NALF1: variants seen among roughly 807,000 people sequenced by gnomAD.
The protein encoded by NALF1 is family with sequence similarity 155 member A.
In NALF1, 3 loss-of-function variants were observed where a neutral mutation model predicts 48.4. The ratio of observed to expected loss-of-function variants is 0.06; its 90% CI spans 0.03 to 0.16. The LOEUF (loss-of-function observed/expected upper bound fraction) is 0.16. Among genes scored for constraint, NALF1 ranks in the 10% least tolerant of loss-of-function variants. The pLI is 1.00. For synonymous variants in NALF1, 262 were observed against 245.7 expected, an observed-to-expected ratio of 1.07 and a Z score of -0.62; for missense variants, 526 against 571.5, an observed-to-expected ratio of 0.92 and a Z score of 0.81.
intron 1 of NALF1, among the ~76,000 whole-genome samples, chr13:107,295,376 T>C (rs1881706255): frequency 6.6e-6 from 1 of 152,258 alleles, no homozygotes; most frequent in African/African-American, 2.4e-5. Flanking sequence ...ACATTTGCTT[T>C]ATCTAATCCA....
intron 1 of NALF1, among the ~76,000 whole-genome samples, chr13:107,691,248 A>C (rs1023693723): frequency 1.3e-5 from 2 of 152,186 alleles, no homozygotes; most frequent in African/African-American, 4.8e-5. Flanking sequence ...AGCAGCACAG[A>C]TTCTCCTCAC....
intron 1 of NALF1, among the ~76,000 whole-genome samples, chr13:107,716,170 C>T (rs1384383477): frequency 2.0e-5 from 3 of 152,240 alleles, no homozygotes; most frequent in South Asian, 2.1e-4. Flanking sequence ...TTCTCAAAGG[C>T]GTCAGACTCA....
intron 1 of NALF1, among the ~76,000 whole-genome samples, chr13:107,245,600 T>C (rs2138839147): frequency 6.6e-6 from 1 of 152,326 alleles, no homozygotes; most frequent in South Asian, 2.1e-4. Flanking sequence ...GCTGTTTTTC[T>C]CCTTTGTATA....
rs1021793980 is a variant in NALF1 at position 107,653,320 on chromosome 13, C to T, written c.915+212362G>A. 1.7e-4 allele frequency among the ~76,000 whole-genome samples: 25 copies of T among 149,622 alleles called. 1 individual carries two copies. The highest frequency in any genetic ancestry group is 1.1e-3 in the Admixed American group (16 of 15,056). On this transcript the variant is annotated intron_variant, in intron 1 of 2. Coordinates refer to ENST00000375915, the MANE Select transcript of NALF1 (RefSeq NM_001080396.3). The stretch of plus-strand genomic sequence containing the variant: ...GGGGGAGAAGGAAATTGGGAGTTAC[C>T]CTACAGGGACCAAATTCACTGAAAG...
chr13:107,534,209 C>G (rs1304665783), intron 1 of NALF1, among the ~76,000 whole-genome samples: 2 of 152,038 alleles, frequency 1.3e-5, no homozygotes, highest in Non-Finnish European at 2.9e-5. Context: ...TTTTCACAAG[C>G]CCTTCAGATG....
chr13:107,763,206 TC>T (rs1877315920), intron 1 of NALF1, among the ~76,000 whole-genome samples: 1 of 151,466 alleles, frequency 6.6e-6, no homozygotes, highest in African/African-American at 2.4e-5. Flanking sequence ...AAAATCAATA[TC>T]CCCGCAAGTA....
chr13:107,604,211 T>C (rs1879006093), intron 1 of NALF1, among the ~76,000 whole-genome samples: 1 of 152,218 alleles, frequency 6.6e-6, no homozygotes, highest in Non-Finnish European at 1.5e-5. Context: ...TTGCCAATAA[T>C]CGTTTCCCAA....
intron 1 of NALF1, among the ~76,000 whole-genome samples, chr13:107,325,127 A>T (rs1184808277): frequency 6.6e-6 from 1 of 152,168 alleles, no homozygotes; most frequent in East Asian, 1.9e-4. Context: ...CATATGATTT[A>T]TTTTTCACGT....
intron 1 of NALF1, among the ~76,000 whole-genome samples, chr13:107,846,934 C>A (rs936704647): frequency 3.3e-5 from 5 of 152,138 alleles, no homozygotes; most frequent in African/African-American, 1.2e-4. Context: ...TTAGAAACTA[C>A]AGGTTCCAAA....
At chr13:107,423,864 CT>C (rs1048253218) in intron 1 of NALF1, among the ~76,000 whole-genome samples, 1 of 152,080 alleles carries the variant, frequency 6.6e-6, no homozygotes, top group African/African-American at 2.4e-5. Context: ...CTTCCAAAAG[CT>C]TTAGAATAAT....
At chr13:107,517,504 T>C (rs1001250053) in intron 1 of NALF1, among the ~76,000 whole-genome samples, 3 of 151,972 alleles carry the variant, frequency 2.0e-5, no homozygotes, top group African/African-American at 7.3e-5. Context: ...TGGTGGTGGA[T>C]GCCTGTAGTC....
intron 1 of NALF1, among the ~76,000 whole-genome samples, chr13:107,293,054 C>A (rs1250867422): frequency 6.9e-6 from 1 of 144,408 alleles, no homozygotes; most frequent in African/African-American, 2.6e-5. Flanking sequence ...GATCTCAGCT[C>A]ACTGCAAGCT....
intron 1 of NALF1, among the ~76,000 whole-genome samples, chr13:107,820,871 C>T (rs1879341904): frequency 6.6e-6 from 1 of 152,146 alleles, no homozygotes; most frequent in Non-Finnish European, 1.5e-5. Context: ...CAGCAAAATG[C>T]CCCTGCCATG....
chr13:107,526,781 C>T (rs1439743939), intron 1 of NALF1, among the ~76,000 whole-genome samples: 1 of 152,116 alleles, frequency 6.6e-6, no homozygotes, highest in Middle Eastern at 3.2e-3. Context: ...TACTCAAAAT[C>T]AGTGAAAATC....
intron 1 of NALF1, among the ~76,000 whole-genome samples, chr13:107,756,337 A>G (rs1360746957): frequency 1.3e-5 from 2 of 151,734 alleles, no homozygotes; most frequent in African/African-American, 2.4e-5. Context: ...GGTGATGCCA[A>G]TGTGGCTGAT....
intron 2 of NALF1, among the ~76,000 whole-genome samples, chr13:107,198,255 G>A (rs910885157): frequency 6.6e-6 from 1 of 152,106 alleles, no homozygotes; most frequent in Non-Finnish European, 1.5e-5. Context: ...TCAGATTTAG[G>A]TCTAAAGTCT....
At chr13:107,735,841 A>G (rs1055331626) in intron 1 of NALF1, among the ~76,000 whole-genome samples, 9 of 152,160 alleles carry the variant, frequency 5.9e-5, no homozygotes, top group African/African-American at 2.2e-4. Context: ...TGGCCTGCAA[A>G]TTACATCATC....
chr13:107,788,366 A>G (rs989591242), intron 1 of NALF1: 1 of 152,124 alleles, frequency 6.6e-6, no homozygotes, highest in Admixed American at 6.5e-5. Flanking sequence ...TCTATTTGGG[A>G]CATTCATGGT....
intron 1 of NALF1, among the ~76,000 whole-genome samples, chr13:107,651,229 G>A (rs921797739): frequency 6.6e-6 from 1 of 152,198 alleles, no homozygotes; most frequent in Admixed American, 6.5e-5. Context: ...TCTGGCCTTT[G>A]ACATTTAGTC....
Sources: gnomAD v4.1 joint callset for allele counts (sites outside exome capture counted in the v4.1 genomes callset) on GRCh38, gnomAD v4.1.1 for gene constraint, MANE v1.5 for transcripts, NCBI Gene and HGNC (gene_info 2026-07-23, HGNC 2026-07-21) for gene names.